Variants in NUBPL observed in about 807,000 individuals in gnomAD.
NUBPL encodes NUBP iron-sulfur cluster assembly factor, mitochondrial, also known as iron-sulfur cluster transfer protein NUBPL.
NUBPL carries 31 observed loss-of-function variants against 45.7 expected under a neutral mutation model. The observed-to-expected ratio is 0.68, with a 90% CI of 0.51 to 0.92. NUBPL has a LOEUF of 0.92. NUBPL is among the 40% of genes least tolerant of loss of function. The pLI is 0.00. For synonymous variants in NUBPL, 144 were observed against 140.9 expected, an observed-to-expected ratio of 1.02 and a Z score of -0.15; for missense variants, 401 against 398.7, an observed-to-expected ratio of 1.01 and a Z score of -0.05.
chr14:31,642,149 A>G (rs1474804752), intron 4 of NUBPL, among the ~76,000 whole-genome samples: 2 of 151,840 alleles, frequency 1.3e-5, no homozygotes, highest in African/African-American at 4.8e-5. Context: ...CTCCTTGTTG[A>G]TTGTTTCCTT....
intron 8 of NUBPL, among the ~76,000 whole-genome samples, chr14:31,828,675 GGA>G (rs2040142365): frequency 6.6e-6 from 1 of 152,158 alleles, no homozygotes; most frequent in Non-Finnish European, 1.5e-5. Flanking sequence ...GACTGGCTGT[GGA>G]GAAAGTCCTA....
chr14:31,678,181 G>A (rs1457477497), intron 6 of NUBPL, among the ~76,000 whole-genome samples: 1 of 152,110 alleles, frequency 6.6e-6, no homozygotes, highest in African/African-American at 2.4e-5. Context: ...TGTCAGGCCT[G>A]AGACTCACTC....
chr14:31,850,109 G>T lies in NUBPL; in HGVS notation c.815-10G>T, dbSNP rs776669682. Reference sequence around the variant, plus strand: ...TCTGGTTCTAATGGATGTCTGCTGGGCTCTTTTAGGAGACATTCCCTTACA... The same window carrying T: ...TCTGGTTCTAATGGATGTCTGCTGGTCTCTTTTAGGAGACATTCCCTTACA... On this transcript the variant is annotated splice_polypyrimidine_tract_variant and intron_variant, in intron 9 of 10. Coordinates refer to ENST00000281081, the MANE Select transcript of NUBPL (RefSeq NM_025152.3). 6.2e-7 allele frequency: 1 copy of T among 1,608,388 alleles called. No homozygotes were observed. The highest frequency in any genetic ancestry group is 2.2e-5 in the East Asian group (1 of 44,790).
At chr14:31,623,606 T>A (rs1254601605) in intron 4 of NUBPL, among the ~76,000 whole-genome samples, 3 of 152,212 alleles carry the variant, frequency 2.0e-5, no homozygotes, top group Admixed American at 2.0e-4. Context: ...TGCTGCCATG[T>A]AGGACGTGCT....
At chr14:31,824,058 C>G (rs1201300193) in intron 7 of NUBPL, among the ~76,000 whole-genome samples, 1 of 152,036 alleles carries the variant, frequency 6.6e-6, no homozygotes, top group African/African-American at 2.4e-5. Flanking sequence ...CCAGCAACGT[C>G]TAAGGCATTT....
chr14:31,834,820 T>C (rs2040256010), intron 8 of NUBPL, among the ~76,000 whole-genome samples: 1 of 152,334 alleles, frequency 6.6e-6, no homozygotes, highest in Non-Finnish European at 1.5e-5. Context: ...AATATCTATT[T>C]GTTTAGTGGG....
intron 6 of NUBPL, among the ~76,000 whole-genome samples, chr14:31,778,889 T>A (rs909044461): frequency 6.6e-6 from 1 of 152,186 alleles, no homozygotes; most frequent in African/African-American, 2.4e-5. Flanking sequence ...ATACCTGACA[T>A]CTTTATAAAT....
intron 7 of NUBPL, among the ~76,000 whole-genome samples, chr14:31,793,938 A>T (rs1595636262): frequency 2.3e-5 from 2 of 87,284 alleles, no homozygotes; most frequent in African/African-American, 9.6e-5. Context: ...TGTCCATGTG[A>T]TCTCATTGTT....
chr14:31,619,423 C>A (rs1176149793), intron 4 of NUBPL, among the ~76,000 whole-genome samples: 1 of 152,160 alleles, frequency 6.6e-6, no homozygotes, highest in African/African-American at 2.4e-5. Context: ...TGGCTGTTAC[C>A]AGTGATTCCT....
At chr14:31,596,744 A>G (rs2034294466) in intron 3 of NUBPL, among the ~76,000 whole-genome samples, 1 of 152,198 alleles carries the variant, frequency 6.6e-6, no homozygotes, top group Admixed American at 6.5e-5. Context: ...ATTCTACTTC[A>G]TTTTAAGAAA....
chr14:31,698,888 T>G (rs1422730423), intron 6 of NUBPL, among the ~76,000 whole-genome samples: 1 of 152,000 alleles, frequency 6.6e-6, no homozygotes, highest in East Asian at 1.9e-4. Flanking sequence ...AGAGTCTCGC[T>G]TTGTCACCCA....
chr14:31,635,815 A>C (rs1257313056), intron 4 of NUBPL, among the ~76,000 whole-genome samples: 2 of 151,998 alleles, frequency 1.3e-5, no homozygotes, highest in Non-Finnish European at 2.9e-5. Flanking sequence ...CATCCCTTGT[A>C]AGTTGGATTC....
At chr14:31,630,051 T>A (rs1289781664) in intron 4 of NUBPL, among the ~76,000 whole-genome samples, 1 of 152,186 alleles carries the variant, frequency 6.6e-6, no homozygotes, top group African/African-American at 2.4e-5. Flanking sequence ...TCCATAAATG[T>A]TAACTGCCTT....
At chr14:31,783,681 C>A (rs1051131605) in intron 6 of NUBPL, among the ~76,000 whole-genome samples, 2 of 152,034 alleles carry the variant, frequency 1.3e-5, no homozygotes, top group African/African-American at 4.8e-5. Flanking sequence ...CCAGGCCCAG[C>A]TAATTGTTGT....
intron 3 of NUBPL, among the ~76,000 whole-genome samples, chr14:31,578,678 C>G (rs900962030): frequency 1.3e-5 from 2 of 152,208 alleles, no homozygotes; most frequent in African/African-American, 4.8e-5. Flanking sequence ...ACTAATTTTA[C>G]AGAAAATGGA....
chr14:31,820,072 G>T (rs1217149651), intron 7 of NUBPL, among the ~76,000 whole-genome samples: 1 of 150,010 alleles, frequency 6.7e-6, no homozygotes, highest in Non-Finnish European at 1.5e-5. Flanking sequence ...CCCAGGAGGC[G>T]GAGCTTGCAG....
At position 31,700,582 on chromosome 14, in the gene NUBPL, C is replaced by G. The variant is rs528400563; in HGVS notation, c.513+27008C>G. ...GTGGGAACCGAGGTTGCATGTGGCC[C>G]TTGCAGGCCAGCGCGAGTTCCGGGT... On this transcript the variant is annotated intron_variant, in intron 6 of 10. Transcript: ENST00000281081. 3.9e-4 allele frequency among the ~76,000 whole-genome samples: 59 copies of G among 152,238 alleles called. 1 individual carries two copies. Among genetic ancestry groups the G allele is most frequent in the African/African-American group, 1.3e-3 (52 of 41,562 alleles).
At chr14:31,809,141 T>G (rs1427158716) in intron 7 of NUBPL, among the ~76,000 whole-genome samples, 2 of 152,254 alleles carry the variant, frequency 1.3e-5, no homozygotes, top group Non-Finnish European at 2.9e-5. Flanking sequence ...TAAAATGAGT[T>G]AGGGAGGATT....
intron 7 of NUBPL, among the ~76,000 whole-genome samples, chr14:31,822,173 A>G (rs1488202500): frequency 1.3e-5 from 2 of 152,172 alleles, no homozygotes; most frequent in Non-Finnish European, 2.9e-5. Flanking sequence ...TACATTTTAA[A>G]ATATCGAAAA....
Sources: gnomAD v4.1 joint callset for allele counts (sites outside exome capture counted in the v4.1 genomes callset) on GRCh38, gnomAD v4.1.1 for gene constraint, MANE v1.5 for transcripts, NCBI Gene and HGNC (gene_info 2026-07-23, HGNC 2026-07-21) for gene names.